The following KALRN variants were observed in gnomAD, a reference collection of about 807,000 sequenced individuals.
KALRN encodes kalirin.
In KALRN, 70 loss-of-function variants were observed where a neutral mutation model predicts 353.7. The observed-to-expected ratio is 0.20, with a 90% CI of 0.16 to 0.24. The LOEUF is 0.24. Ranked by LOEUF, KALRN falls within the 10% of genes least tolerant of loss-of-function variation. The probability of loss-of-function intolerance (pLI) is 1.00; values close to 1 mark genes in which losing one functional copy is unlikely to be tolerated. For synonymous variants in KALRN, 1,391 were observed against 1,434.8 expected, an observed-to-expected ratio of 0.97 and a Z score of 0.69; for missense variants, 2,791 against 3,756.7, an observed-to-expected ratio of 0.74 and a Z score of 6.72.
At chr3:124,279,202 G>C (rs2075092618) in intron 5 of KALRN, among the ~76,000 whole-genome samples, 1 of 152,188 alleles carries the variant, frequency 6.6e-6, no homozygotes, top group Admixed American at 6.5e-5. Flanking sequence ...TTGAATCCCT[G>C]CTGGGCCACT....
chr3:124,484,748 C>T (rs1417202193), intron 28 of KALRN, among the ~76,000 whole-genome samples: 2 of 152,208 alleles, frequency 1.3e-5, no homozygotes, highest in African/African-American at 4.8e-5. Context: ...AATCCCTTAG[C>T]CCAGATTTTG....
chr3:124,436,348 G>A (rs554916061), intron 17 of KALRN, among the ~76,000 whole-genome samples: 83 of 152,262 alleles, frequency 5.5e-4, no homozygotes, highest in African/African-American at 2.0e-3. Flanking sequence ...ATCCCAAATT[G>A]TTTGCTTCTA....
chr3:124,705,746 C>T (rs2062569720), intron 57 of KALRN, among the ~76,000 whole-genome samples: 1 of 152,110 alleles, frequency 6.6e-6, no homozygotes, highest in South Asian at 2.1e-4. Context: ...AATCTGCTCC[C>T]CAGCTTCAAG....
intron 2 of KALRN, among the ~76,000 whole-genome samples, chr3:124,231,707 C>A (rs1352878112): frequency 7.9e-6 from 1 of 125,906 alleles, no homozygotes; most frequent in Non-Finnish European, 1.8e-5. Context: ...CAGTAAAGAA[C>A]TTTATTTTTT....
chr3:124,281,614 T>C (rs1004766237), intron 5 of KALRN, among the ~76,000 whole-genome samples: 1 of 152,228 alleles, frequency 6.6e-6, no homozygotes, highest in African/African-American at 2.4e-5. Flanking sequence ...GCTCAGATGC[T>C]ACTCTCTCTG....
At chr3:124,701,385 T>TTTA (rs1313024718) in intron 56 of KALRN, among the ~76,000 whole-genome samples, 1 of 110,422 alleles carries the variant, frequency 9.1e-6, no homozygotes, top group Non-Finnish European at 1.9e-5. Context: ...TCTTTCTTTC[T>TTTA]TTCTTTTTTT....
chr3:124,538,242 G>A (rs2068701243), intron 33 of KALRN, among the ~76,000 whole-genome samples: 1 of 139,960 alleles, frequency 7.1e-6, no homozygotes, highest in Non-Finnish European at 1.5e-5. Context: ...GCCAAAGAGT[G>A]TTTGTGTGTG....
chr3:124,159,271 TTTTG>T (rs1166923493), intron 1 of KALRN, among the ~76,000 whole-genome samples: 8 of 152,068 alleles, frequency 5.3e-5, no homozygotes, highest in Non-Finnish European at 1.2e-4. Flanking sequence ...TTTCTTTCGT[TTTTG>T]TTTGTTTGTT....
intron 32 of KALRN, 133 bp from the exon 33 acceptor site, chr3:124,496,178 T>G (rs1305390100): frequency 6.1e-6 from 4 of 652,584 alleles, no homozygotes; most frequent in Non-Finnish European, 1.1e-5. Context: ...TTTAGCAGGA[T>G]AATTTTAGAC....
At chr3:124,405,853 C>T (rs2091477555) in intron 13 of KALRN, among the ~76,000 whole-genome samples, 1 of 152,008 alleles carries the variant, frequency 6.6e-6, no homozygotes, top group South Asian at 2.1e-4. Flanking sequence ...ACTGTGTTAG[C>T]CAGGATGGCC....
chr3:124,587,000 A>G (rs930508807), intron 34 of KALRN, among the ~76,000 whole-genome samples: 6 of 152,204 alleles, frequency 3.9e-5, no homozygotes, highest in African/African-American at 1.4e-4. Flanking sequence ...GATTGAAAAG[A>G]TAAGGTCTGT....
intron 33 of KALRN, chr3:124,519,212 A>G (rs1445253002): frequency 2.0e-6 from 2 of 977,018 alleles, no homozygotes; most frequent in Non-Finnish European, 2.4e-6. Context: ...GAGTGAGAAG[A>G]TATAAATGAA....
intron 1 of KALRN, among the ~76,000 whole-genome samples, chr3:124,105,828 A>T (rs2062252746): frequency 6.6e-6 from 1 of 152,180 alleles, no homozygotes; most frequent in Admixed American, 6.5e-5. Context: ...GGGTCAAGTG[A>T]TGATTTTGTT....
intron 34 of KALRN, among the ~76,000 whole-genome samples, chr3:124,592,656 C>A (rs2075914909): frequency 6.6e-6 from 1 of 152,194 alleles, no homozygotes. Context: ...TTCCAGCCCC[C>A]ATGGTGCTGG....
At chr3:124,370,159 C>A (rs752724695) in intron 10 of KALRN, among the ~76,000 whole-genome samples, 2 of 152,046 alleles carry the variant, frequency 1.3e-5, no homozygotes, top group Non-Finnish European at 2.9e-5. Flanking sequence ...CCTAAAGAAC[C>A]AAAGGTCCTG....
intron 58 of KALRN, among the ~76,000 whole-genome samples, chr3:124,715,177 C>T (rs2063079361): frequency 6.6e-6 from 1 of 152,198 alleles, no homozygotes. Context: ...GCTGTGAGAA[C>T]ATAGGTGCTT....
chr3:124,192,176 AGAGTGAGCCCTAATCT>A (rs1212111261), intron 1 of KALRN, among the ~76,000 whole-genome samples: 1 of 152,258 alleles, frequency 6.6e-6, no homozygotes, highest in African/African-American at 2.4e-5. Flanking sequence ...ACAGGTGATT[AGAGTGAGCCCTAATCT>A]GATATGATTG....
In KALRN at chr3:124,587,698, C is replaced by CTTTTT. The variant is rs529810541; in HGVS notation, c.5182+24630_5182+24634dup. Among the ~76,000 whole-genome samples, 60 of 75,860 alleles carry CTTTTT rather than the reference C, an allele frequency of 7.9e-4. 1 individual carries two copies. Among genetic ancestry groups the CTTTTT allele is most frequent in the African/African-American group, 1.0e-3 (16 of 15,788 alleles). 49.8% of individuals were successfully genotyped at this position (75,860 alleles called of 152,430 possible). A position where few individuals can be genotyped will look rare whatever the true frequency, so the allele number is the denominator to read the frequency against. The stretch of plus-strand genomic sequence containing the variant: ...TTTTTCCCTCCACCCCCACCCTCCA[C>CTTTTT]TTTTTTTTTTTTTTTTTTTTTTTTT... On this transcript the variant is annotated intron_variant, in intron 34 of 59. Coordinates refer to ENST00000682506, the MANE Select transcript of KALRN (RefSeq NM_001388419.1).
rs550389144 is a variant in KALRN, at chr3:124,723,681, C to T, written c.*4211C>T. ...GTTATTTGGTCTTAGCCTATAATTT[C>T]GATCATTTAAGAGCTTGTCTACCGA... is the stretch of plus-strand genomic sequence containing the variant. On this transcript the variant is annotated 3_prime_UTR_variant, in exon 60 of 60. Transcript: ENST00000682506. 9 of 152,246 alleles carry T rather than the reference C, an allele frequency of 5.9e-5. 1 individual carries two copies. The South Asian group carries it at 8.3e-4, about 14-fold the overall frequency. 9.4% of individuals were successfully genotyped at this position (152,246 alleles called of 1,614,324 possible). A position where few individuals can be genotyped will look rare whatever the true frequency, so the allele number is the denominator to read the frequency against.
Sources: allele counts gnomAD v4.1 joint callset (sites outside exome capture counted in the v4.1 genomes callset), GRCh38; gene constraint gnomAD v4.1.1; transcripts MANE v1.5; gene names NCBI Gene and HGNC (gene_info 2026-07-23, HGNC 2026-07-21).